IPO9: variants seen among roughly 807,000 people sequenced by gnomAD.
IPO9 encodes importin-9.
IPO9 carries 28 observed loss-of-function variants against 128.6 expected under a neutral mutation model. The ratio of observed to expected loss-of-function variants is 0.22; its 90% CI spans 0.16 to 0.30. The LOEUF (loss-of-function observed/expected upper bound fraction) is 0.30, where lower values mean the gene tolerates loss of function less well. IPO9 is among the 10% of genes least tolerant of loss of function. IPO9 has a pLI of 1.00. For synonymous variants in IPO9, 455 were observed against 475.8 expected, an observed-to-expected ratio of 0.96 and a Z score of 0.57; for missense variants, 935 against 1,293.9, an observed-to-expected ratio of 0.72 and a Z score of 4.26.
chr1:201,873,054 T>G, intron 20 of IPO9, 93 bp downstream of exon 20: 1 of 1,326,650 alleles, frequency 7.5e-7, no homozygotes, highest in Non-Finnish European at 1.0e-6. Flanking sequence ...GGTGTATATT[T>G]TTAAAACAAT....
Position 201,869,652 on chromosome 1 carries a change from C to A in IPO9, c.2067C>A (p.Leu689=). ...RNTKPPLSQL[L]ICQAFPAVAQ... ...CAAAGCCTCCCCTTTCCCAGCTTCT[C>A]ATCTGCCAAGCTTTCCCTGCTGTGG... The change falls in exon 17 of 24, where the codon CTC becomes CTA. Residue 689 remains leucine, a synonymous_variant. Coordinates refer to ENST00000361565, the MANE Select transcript of IPO9 (RefSeq NM_018085.5). 1 of 1,614,216 alleles carries A rather than the reference C, an allele frequency of 6.2e-7. No individual in the cohort carries two copies. The highest frequency in any genetic ancestry group is 2.2e-5 in the East Asian group (1 of 44,886).
At chr1:201,866,704 A>G (rs1680559895) in intron 14 of IPO9, 29 bp from the exon 15 acceptor site, 1 of 1,539,722 alleles carries the variant, frequency 6.5e-7, no homozygotes, top group Non-Finnish European at 9.0e-7. Context: ...ATTTTTTTTA[A>G]TAATTCTTGC....
rs577465150 is a variant in IPO9 at position 201,831,676 on chromosome 1, T to G, written c.163+2304T>G. 7.6e-4 allele frequency among the ~76,000 whole-genome samples: 116 copies of G among 152,272 alleles called. 1 individual carries two copies. Among genetic ancestry groups the G allele is most frequent in the African/African-American group, 2.5e-3 (102 of 41,544 alleles). On this transcript the variant is annotated intron_variant, in intron 1 of 23. Transcript: ENST00000361565. The stretch of plus-strand genomic sequence containing the variant: ...GATGTTTTCTGAACATGGTGCAATA[T>G]AGTAGCTGCTTCTTTACCAGCCTCA...
chr1:201,836,001 A>G (rs1281677005), intron 1 of IPO9, among the ~76,000 whole-genome samples: 1 of 150,522 alleles, frequency 6.6e-6, no homozygotes, highest in Non-Finnish European at 1.5e-5. Context: ...AGTCCCAGCT[A>G]TTCTGGAGGC....
chr1:201,869,859 G>C (rs575511220), intron 17 of IPO9, 141 bp downstream of exon 17: 2 of 1,105,152 alleles, frequency 1.8e-6, no homozygotes, highest in East Asian at 2.7e-5. Flanking sequence ...TTCAGGAAGG[G>C]TTCAGTCTGC....
At chr1:201,853,236 ATTG>A in intron 6 of IPO9, 139 bp downstream of exon 6, 1 of 702,112 alleles carries the variant, frequency 1.4e-6, no homozygotes, top group African/African-American at 1.8e-5. Context: ...TTATTAAATT[ATTG>A]TTGTTATTTT....
chr1:201,861,794 A>G (rs1466094628), intron 13 of IPO9, among the ~76,000 whole-genome samples: 5 of 152,272 alleles, frequency 3.3e-5, no homozygotes, highest in African/African-American at 1.2e-4. Flanking sequence ...TAATCCTTAC[A>G]TTAGTGGCTA....
chr1:201,872,808 T>G lies in IPO9; in HGVS notation c.2577-20T>G. ...CGAGATGGGCGGCTGATTGACCTTT[T>G]TTTGGATCTTCCTTGCCAGCTCTGT... is the stretch of plus-strand genomic sequence containing the variant. On this transcript the variant is annotated intron_variant, in intron 19 of 23. Coordinates refer to ENST00000361565, the MANE Select transcript of IPO9 (RefSeq NM_018085.5). 1 of 1,600,306 alleles carries G rather than the reference T, an allele frequency of 6.2e-7. No homozygotes were observed.
intron 11 of IPO9, among the ~76,000 whole-genome samples, 177 bp downstream of exon 11, chr1:201,857,371 C>G (rs1680348842): frequency 6.6e-6 from 1 of 152,166 alleles, no homozygotes; most frequent in Admixed American, 6.5e-5. Context: ...ATTCTAAAAT[C>G]ATTGCTACTG....
Position 201,884,118 on chromosome 1 carries a change from TC to T in IPO9, c.*8066del, listed in dbSNP as rs1282396316. On this transcript the variant is annotated 3_prime_UTR_variant, in exon 24 of 24. Transcript: ENST00000361565. Reference sequence around the variant, plus strand: ...CTAGTTAGTGGTTCAGAGCATGGGCTCCGGAGCTAGACTGCCTGGATTTGAA... The same window carrying T: ...CTAGTTAGTGGTTCAGAGCATGGGCTCGGAGCTAGACTGCCTGGATTTGAA... 8 of 152,210 alleles carry T rather than the reference TC, an allele frequency of 5.3e-5. No individual in the cohort carries two copies. Among genetic ancestry groups the T allele is most frequent in the African/African-American group, 1.9e-4 (8 of 41,446 alleles). The allele number at this position is 152,210 out of a possible 1,614,324, so 9.4% of individuals were successfully genotyped here. A position where few individuals can be genotyped will look rare whatever the true frequency, so the allele number is the denominator to read the frequency against.
chr1:201,833,375 A>T (rs1315033382), intron 1 of IPO9, among the ~76,000 whole-genome samples: 1 of 151,832 alleles, frequency 6.6e-6, no homozygotes, highest in Non-Finnish European at 1.5e-5. Context: ...AGTAGCTGGG[A>T]TTACAGGCGC....
intron 1 of IPO9, among the ~76,000 whole-genome samples, chr1:201,838,508 C>A (rs1430316282): frequency 6.6e-6 from 1 of 152,164 alleles, no homozygotes; most frequent in Non-Finnish European, 1.5e-5. Flanking sequence ...TAGATTTAAC[C>A]AGAGTCTGTA....
At chr1:201,873,271 C>T (rs530134994) in intron 20 of IPO9, among the ~76,000 whole-genome samples, 1 of 151,848 alleles carries the variant, frequency 6.6e-6, no homozygotes, top group East Asian at 1.9e-4. Context: ...ATGGTGAAAT[C>T]CCGTCTTTAC....
chr1:201,875,994 A>G lies in IPO9; in HGVS notation c.3066A>G (p.Ile1022Met). The G allele has an allele frequency of 1.9e-6, 3 of 1,614,040 alleles. No individual in the cohort carries two copies. Among genetic ancestry groups the G allele is most frequent in the Non-Finnish European group, 2.5e-6 (3 of 1,179,884 alleles). Reference protein sequence around the residue: ...LCQFAQQPCYIMFSGHLNDNE... With the variant: ...LCQFAQQPCYMMFSGHLNDNE... ...AGTTTGCTCAGCAGCCCTGCTACATAATGTTTTCAGGCCACCTTAATGACA... is the reference window on the plus strand; with the variant it reads ...AGTTTGCTCAGCAGCCCTGCTACATGATGTTTTCAGGCCACCTTAATGACA... Residue 1022 changes from isoleucine (I) to methionine (M), a missense_variant, in exon 24 of 24, where the codon ATA becomes ATG. Physicochemically the swap from Ile to Met is conservative, Grantham distance 10. This residue lies in a region of IPO9 where 188 missense variants were observed against 246.7 expected (regional missense o/e 0.76). Coordinates refer to ENST00000361565, the MANE Select transcript of IPO9 (RefSeq NM_018085.5).
intron 19 of IPO9, 26 bp downstream of exon 19, chr1:201,871,353 G>A: frequency 1.6e-6 from 2 of 1,279,046 alleles, no homozygotes; most frequent in Non-Finnish European, 2.2e-6. Context: ...TCTTTTCTGG[G>A]CATTCTGCCA....
intron 11 of IPO9, among the ~76,000 whole-genome samples, chr1:201,857,760 G>T (rs1049059095): frequency 7.0e-6 from 1 of 143,754 alleles, no homozygotes; most frequent in African/African-American, 2.5e-5. Context: ...ACACCATTGC[G>T]CTCCAGCCTG....
At chr1:201,833,418 TA>T (rs1679873887) in intron 1 of IPO9, among the ~76,000 whole-genome samples, 2 of 152,036 alleles carry the variant, frequency 1.3e-5, no homozygotes, top group African/African-American at 2.4e-5. Context: ...TTTGTATTTT[TA>T]GTAGAGATGG....
At chr1:201,858,617 G>A (rs1338192159) in intron 12 of IPO9, 64 bp downstream of exon 12, 8 of 999,052 alleles carry the variant, frequency 8.0e-6, no homozygotes, top group Non-Finnish European at 1.2e-5. Context: ...AGTCTTGAAA[G>A]GATGGATTTA....
At position 201,868,705 on chromosome 1, in the gene IPO9, C is replaced by G. The variant is rs1355907948; in HGVS notation, c.1913C>G (p.Ala638Gly). The G allele has an allele frequency of 6.2e-7, 1 of 1,614,020 alleles. No homozygotes were observed. The highest frequency in any genetic ancestry group is 1.1e-5 in the South Asian group (1 of 91,036). Residue 638 changes from alanine (A) to glycine (G), a missense_variant, in exon 16 of 24, where the codon GCC becomes GGC. By Grantham distance (60) the Ala-to-Gly change is moderately conservative. Around this residue, in one of 3 missense-constraint regions of IPO9, gnomAD observed 741 missense variants for 1,019.1 expected, o/e 0.73. Transcript: ENST00000361565. ...TTCAAGGAGCTGTCCCAGATTGAAGCCTGTCAGGGCCCAATGCAAATGAGG... is the reference window on the plus strand; with the variant it reads ...TTCAAGGAGCTGTCCCAGATTGAAGGCTGTCAGGGCCCAATGCAAATGAGG... The part of the protein sequence containing the change: ...DIFKELSQIE[A>G]CQGPMQMRLI...
Sources: allele counts gnomAD v4.1 joint callset (sites outside exome capture counted in the v4.1 genomes callset), GRCh38; gene constraint gnomAD v4.1.1; regional missense constraint gnomAD v4.1.1; transcripts MANE v1.5; gene names NCBI Gene and HGNC (gene_info 2026-07-23, HGNC 2026-07-21).